Variants in GLT8D1 observed in about 807,000 individuals in gnomAD.
GLT8D1 encodes the protein glycosyltransferase 8 domain containing 1.
In GLT8D1, 41 loss-of-function variants were observed where a neutral mutation model predicts 46.2. The observed-to-expected ratio is 0.89, with a 90% CI of 0.69 to 1.15. GLT8D1 has a LOEUF of 1.15. Ranked by LOEUF, GLT8D1 falls within the 50% of genes most tolerant of loss-of-function variation. The probability of loss-of-function intolerance (pLI) is 0.00; values close to 1 mark genes in which losing one functional copy is unlikely to be tolerated. For synonymous variants in GLT8D1, 150 were observed against 154.2 expected, an observed-to-expected ratio of 0.97 and a Z score of 0.20; for missense variants, 408 against 449.3, an observed-to-expected ratio of 0.91 and a Z score of 0.83.
intron 3 of GLT8D1, among the ~76,000 whole-genome samples, chr3:52,698,793 T>A (rs1174884227): frequency 6.6e-6 from 1 of 152,018 alleles, no homozygotes; most frequent in African/African-American, 2.4e-5. Flanking sequence ...TTTTTTTTTT[T>A]ATTCCTCATT....
chr3:52,702,312 A>C (rs182774896), intron 1 of GLT8D1, among the ~76,000 whole-genome samples: 1 of 152,326 alleles, frequency 6.6e-6, no homozygotes. Context: ...CAACAAGGCT[A>C]ACGCGGGCAG....
intron 1 of GLT8D1, chr3:52,704,647 G>A (rs542283495): frequency 6.6e-6 from 1 of 152,274 alleles, no homozygotes; most frequent in African/African-American, 2.4e-5. Context: ...TGTCAAACGT[G>A]TCTGCATTTT....
chr3:52,695,362 C>T (rs939294323), intron 8 of GLT8D1, 59 bp downstream of exon 8: 1 of 1,584,194 alleles, frequency 6.3e-7, no homozygotes, highest in East Asian at 2.2e-5. Context: ...TCCTGTTAGT[C>T]AAGACTCTAG....
intron 3 of GLT8D1, among the ~76,000 whole-genome samples, chr3:52,699,863 T>C (rs754749949): frequency 1.2e-4 from 19 of 152,328 alleles, no homozygotes; most frequent in African/African-American, 2.4e-4. Flanking sequence ...GAGAACAGTA[T>C]GAACGACTAA....
chr3:52,705,228 G>A (rs2097342997), intron 1 of GLT8D1: 1 of 152,240 alleles, frequency 6.6e-6, no homozygotes, highest in African/African-American at 2.4e-5. Flanking sequence ...ACCTTTGGCT[G>A]GCCTCTATCG....
intron 4 of GLT8D1, among the ~76,000 whole-genome samples, chr3:52,696,956 T>A (rs2097334364): frequency 2.1e-5 from 1 of 46,768 alleles, no homozygotes; most frequent in Non-Finnish European, 4.3e-5. Flanking sequence ...ATTCCACCAC[T>A]CAAGTCTGAG....
intron 1 of GLT8D1, chr3:52,701,437 C>G (rs2097339301): frequency 6.6e-6 from 1 of 152,152 alleles, no homozygotes; most frequent in African/African-American, 2.4e-5. Flanking sequence ...GGCATGATCT[C>G]AGCTCACTGC....
chr3:52,700,324 A>T lies in GLT8D1; in HGVS notation c.53T>A (p.Phe18Tyr). The change falls in exon 3 of 10, where the codon TTC (phenylalanine) becomes TAC (tyrosine). Residue 18 changes from phenylalanine (F) to tyrosine (Y), a missense_variant. Physicochemically the swap from Phe to Tyr is conservative, Grantham distance 22 (BLOSUM62 3). Coordinates refer to ENST00000266014, the MANE Select transcript of GLT8D1 (RefSeq NM_018446.4). ...IIILVLAVAL[F>Y]LLVLHHNFLS... ...GAAGTTATGGTGCAAAACCAGTAAG[A>T]AGAGAGCAACAGCCAGGACCAAGAT... is the stretch of plus-strand genomic sequence containing the variant. 1.2e-6 allele frequency: 2 copies of T among 1,613,932 alleles called. No individual in the cohort carries two copies. Among genetic ancestry groups the T allele is most frequent in the South Asian group, 2.2e-5 (2 of 91,080 alleles).
chr3:52,695,145 A>T, intron 9 of GLT8D1, 45 bp downstream of exon 9: 1 of 1,484,446 alleles, frequency 6.7e-7, no homozygotes, highest in Non-Finnish European at 9.4e-7. Context: ...AGTTCTTTAG[A>T]TACCAATTCT....
intron 4 of GLT8D1, among the ~76,000 whole-genome samples, 182 bp from the exon 5 acceptor site, chr3:52,696,841 G>T (rs924595961): frequency 1.3e-5 from 1 of 75,570 alleles, no homozygotes; most frequent in Admixed American, 1.5e-4. Context: ...AATTAAGATT[G>T]TATGGTAATT....
chr3:52,703,287 G>C (rs913969298), intron 1 of GLT8D1: 3 of 151,644 alleles, frequency 2.0e-5, no homozygotes, highest in African/African-American at 7.3e-5. Flanking sequence ...AGCCAGGCAT[G>C]GTGGCAGGTG....
chr3:52,697,671 GCCTGCTCTAAATCAT>G (rs746571445), intron 4 of GLT8D1, 35 bp downstream of exon 4: 22 of 1,231,984 alleles, frequency 1.8e-5, no homozygotes, highest in Middle Eastern at 4.4e-4. Flanking sequence ...TTGGCAGCTG[GCCTGCTCTAAATCAT>G]CCTCTAGAAG....
intron 3 of GLT8D1, among the ~76,000 whole-genome samples, chr3:52,698,922 A>G (rs1377929154): frequency 2.0e-5 from 3 of 152,142 alleles, no homozygotes; most frequent in Non-Finnish European, 2.9e-5. Flanking sequence ...ATGTATGTAC[A>G]TGTGCTACAT....
chr3:52,702,776 C>G (rs534325612), intron 1 of GLT8D1, among the ~76,000 whole-genome samples: 1 of 150,544 alleles, frequency 6.6e-6, no homozygotes, highest in Non-Finnish European at 1.5e-5. Flanking sequence ...AAATACACAT[C>G]TTTCTTTCTT....
chr3:52,704,068 T>C (rs1299413466), intron 1 of GLT8D1: 1 of 152,156 alleles, frequency 6.6e-6, no homozygotes, highest in Non-Finnish European at 1.5e-5. Context: ...CTCAAGTCCC[T>C]TATGTAAAAT....
chr3:52,697,999 T>C, intron 3 of GLT8D1, 65 bp from the exon 4 acceptor site: 2 of 981,250 alleles, frequency 2.0e-6, no homozygotes, highest in Non-Finnish European at 1.6e-6. Flanking sequence ...GTCCAAGACA[T>C]GGAAAAAGGG....
chr3:52,698,000 G>A, intron 3 of GLT8D1, 66 bp from the exon 4 acceptor site: 1 of 959,408 alleles, frequency 1.0e-6, no homozygotes, highest in African/African-American at 1.6e-5. Context: ...TCCAAGACAT[G>A]GAAAAAGGGA....
At chr3:52,697,680 A>C (rs779597886) in intron 4 of GLT8D1, 41 bp downstream of exon 4, 1 of 1,382,516 alleles carries the variant, frequency 7.2e-7, no homozygotes, top group Non-Finnish European at 1.0e-6. Context: ...GGCCTGCTCT[A>C]AATCATCCTC....
chr3:52,697,506 T>G (rs980151875), intron 4 of GLT8D1: 6 of 564,686 alleles, frequency 1.1e-5, no homozygotes, highest in Non-Finnish European at 1.9e-5. Context: ...ACAGCTGACT[T>G]ACTTCCTGGC....
Sources: allele counts gnomAD v4.1 joint callset (sites outside exome capture counted in the v4.1 genomes callset), GRCh38; gene constraint gnomAD v4.1.1; transcripts MANE v1.5; gene names NCBI Gene and HGNC (gene_info 2026-07-23, HGNC 2026-07-21).